The following KCNB2 variants were observed in gnomAD, a reference collection of about 807,000 sequenced individuals.
KCNB2 encodes the protein potassium voltage-gated channel subfamily B member 2, also known as delayed rectifier potassium channel protein.
In KCNB2, 15 loss-of-function variants were observed where a neutral mutation model predicts 61.5. The ratio of observed to expected loss-of-function variants is 0.24; its 90% confidence interval spans 0.16 to 0.38. The LOEUF (loss-of-function observed/expected upper bound fraction) is 0.38, where lower values mean the gene tolerates loss of function less well. KCNB2 is among the 10% of genes least tolerant of loss of function. KCNB2 has a pLI of 1.00. For missense variants in KCNB2, 828 were observed against 1,125.2 expected, an observed-to-expected ratio of 0.74 and a Z score of 3.78; for synonymous variants, 457 against 446.0, an observed-to-expected ratio of 1.02 and a Z score of -0.31.
intron 2 of KCNB2, among the ~76,000 whole-genome samples, chr8:72,579,881 G>GA (rs937472210): frequency 1.3e-5 from 2 of 152,038 alleles, no homozygotes; most frequent in African/African-American, 2.4e-5. Flanking sequence ...CAGCCTGGGG[G>GA]AAAAAAAGGA....
intron 2 of KCNB2, among the ~76,000 whole-genome samples, chr8:72,816,338 T>G (rs1478708060): frequency 1.3e-5 from 2 of 152,298 alleles, no homozygotes; most frequent in Non-Finnish European, 2.9e-5. Flanking sequence ...TTTAACAACA[T>G]TTACAATTTC....
chr8:72,603,002 C>T (rs1439521356), intron 2 of KCNB2, among the ~76,000 whole-genome samples: 1 of 151,336 alleles, frequency 6.6e-6, no homozygotes, highest in Non-Finnish European at 1.5e-5. Flanking sequence ...ACCTAATGTA[C>T]ACTTCATTCA....
chr8:72,620,618 A>T (rs947900798), intron 2 of KCNB2, among the ~76,000 whole-genome samples: 1 of 151,588 alleles, frequency 6.6e-6, no homozygotes, highest in African/African-American at 2.4e-5. Context: ...ATTTTATTTT[A>T]TTTTTTTGAG....
chr8:72,632,200 C>G (rs1381486881), intron 2 of KCNB2, among the ~76,000 whole-genome samples: 3 of 152,042 alleles, frequency 2.0e-5, no homozygotes, highest in Non-Finnish European at 4.4e-5. Flanking sequence ...GAGCTGTCTA[C>G]TTACTACAGC....
intron 1 of KCNB2, among the ~76,000 whole-genome samples, chr8:72,565,653 CACACACACA>C (rs1289713278): frequency 6.6e-6 from 1 of 151,158 alleles, no homozygotes; most frequent in African/African-American, 2.4e-5. Context: ...AATACACACA[CACACACACA>C]ACACACACAC....
intron 2 of KCNB2, among the ~76,000 whole-genome samples, chr8:72,729,473 A>C (rs1274645588): frequency 6.6e-6 from 1 of 152,206 alleles, no homozygotes; most frequent in Non-Finnish European, 1.5e-5. Flanking sequence ...GTGAAGTTTC[A>C]CTTGATATCA....
At chr8:72,889,884 T>C (rs1805868226) in intron 2 of KCNB2, among the ~76,000 whole-genome samples, 2 of 152,084 alleles carry the variant, frequency 1.3e-5, no homozygotes, top group Admixed American at 1.3e-4. Context: ...GCCTCCCAAG[T>C]AGCTGGGATT....
intron 2 of KCNB2, among the ~76,000 whole-genome samples, chr8:72,721,614 A>G (rs2247463): frequency 0.72 from 110,100 of 152,080 alleles, 41,118 homozygotes; most frequent in African/African-American, 0.9. Context: ...TCCCTGGTGC[A>G]GGACTCTACA....
chr8:72,848,367 C>G (rs969106824), intron 2 of KCNB2, among the ~76,000 whole-genome samples: 6 of 152,092 alleles, frequency 3.9e-5, no homozygotes, highest in Admixed American at 3.9e-4. Flanking sequence ...TTTTAAAACT[C>G]TCTGGTGAAG....
chr8:72,545,340 G>A (rs1322047048), intron 1 of KCNB2, among the ~76,000 whole-genome samples: 1 of 152,062 alleles, frequency 6.6e-6, no homozygotes, highest in Non-Finnish European at 1.5e-5. Context: ...AAGGTTTGTG[G>A]CAACCCTGCA....
chr8:72,576,867 A>G (rs1806802489), intron 2 of KCNB2, among the ~76,000 whole-genome samples: 3 of 152,212 alleles, frequency 2.0e-5, no homozygotes, highest in South Asian at 2.1e-4. Flanking sequence ...TAAAACAGCT[A>G]TTTATGGATG....
chr8:72,827,626 C>T (rs910168494), intron 2 of KCNB2, among the ~76,000 whole-genome samples: 4 of 152,170 alleles, frequency 2.6e-5, no homozygotes, highest in African/African-American at 9.7e-5. Flanking sequence ...GTACAAGCCT[C>T]AGAAAGGCCT....
At position 72,936,071 on chromosome 8, in the gene KCNB2, T is replaced by G; in HGVS notation, c.716T>G (p.Val239Gly). Residue 239 changes from valine (V) to glycine (G), a missense_variant, in exon 3 of 3, where the codon GTG becomes GGG. By Grantham distance (109) the Val-to-Gly change is moderately radical. This residue lies in a region of KCNB2 where 163 missense variants were observed against 314.4 expected (regional missense o/e 0.52). Transcript: ENST00000523207. This position sits in a 1 kb window ranked among gnomAD's most constrained non-coding sequence, Gnocchi z 5.6. ...DNRQLAHVEAVCIAWFTMEYL... is the reference protein window; with the variant it reads ...DNRQLAHVEAGCIAWFTMEYL... ...CGCCAATTAGCACACGTGGAGGCTG[T>G]GTGTATTGCATGGTTTACCATGGAG... 1 of 1,614,222 alleles carries G rather than the reference T, an allele frequency of 6.2e-7. No homozygotes were observed. Among genetic ancestry groups the G allele is most frequent in the Non-Finnish European group, 8.5e-7 (1 of 1,180,034 alleles).
chr8:72,847,810 TGA>T (rs1473673152), intron 2 of KCNB2, among the ~76,000 whole-genome samples: 4 of 152,224 alleles, frequency 2.6e-5, no homozygotes, highest in African/African-American at 9.6e-5. Flanking sequence ...GGCAAATGGT[TGA>T]GAGACTCACT....
rs1029252370 is a variant in KCNB2 at position 72,554,411 on chromosome 8, G to A, written c.-93-13231G>A. Among the ~76,000 whole-genome samples the A allele has an allele frequency of 3.3e-5, 5 of 152,014 alleles. No individual in the cohort carries two copies. The East Asian group carries it at 7.7e-4, about 23-fold the overall frequency. ...ATAGTAGAAATTATAGACTTATGTT[G>A]TAGCCAGGAATCATTAATAATAAGG... On this transcript the variant is annotated intron_variant, in intron 1 of 2. Coordinates refer to ENST00000523207, the MANE Select transcript of KCNB2 (RefSeq NM_004770.3).
At chr8:72,748,635 A>T (rs1440073547) in intron 2 of KCNB2, among the ~76,000 whole-genome samples, 1 of 149,214 alleles carries the variant, frequency 6.7e-6, no homozygotes. Flanking sequence ...TGAAATTAAA[A>T]GCCAAAAACC....
intron 2 of KCNB2, among the ~76,000 whole-genome samples, chr8:72,922,739 A>T (rs1406856784): frequency 6.6e-6 from 1 of 152,214 alleles, no homozygotes; most frequent in African/African-American, 2.4e-5. Context: ...GGACATAAGC[A>T]TTCAGACCAT....
At chr8:72,719,793 T>C (rs1382561351) in intron 2 of KCNB2, among the ~76,000 whole-genome samples, 2 of 149,634 alleles carry the variant, frequency 1.3e-5, no homozygotes, top group African/African-American at 4.9e-5. Flanking sequence ...AACAAAAGAA[T>C]GAAAAAAGAA....
intron 2 of KCNB2, among the ~76,000 whole-genome samples, chr8:72,720,928 T>G (rs1283751975): frequency 1.3e-5 from 2 of 152,250 alleles, no homozygotes; most frequent in East Asian, 3.8e-4. Flanking sequence ...GTAAGTTTTC[T>G]TCCATTTCTA....
Sources: gnomAD v4.1 joint callset for allele counts (sites outside exome capture counted in the v4.1 genomes callset) on GRCh38, gnomAD v4.1.1 for gene constraint, gnomAD v4.1.1 regional missense constraint, Gnocchi (gnomAD v3.1) non-coding constraint, MANE v1.5 for transcripts, NCBI Gene and HGNC (gene_info 2026-07-23, HGNC 2026-07-21) for gene names.